Variants in VIPR1 observed in about 807,000 individuals in gnomAD.
VIPR1 encodes vasoactive intestinal polypeptide receptor 1.
A neutral mutation model predicts 58.8 loss-of-function variants in VIPR1; 59 were observed. The observed-to-expected ratio is 1.00, with a 90% CI of 0.81 to 1.25. The LOEUF (loss-of-function observed/expected upper bound fraction) is 1.25, where lower values mean the gene tolerates loss of function less well. Ranked by LOEUF, VIPR1 falls within the 50% of genes most tolerant of loss-of-function variation. The pLI is 0.00. For missense variants in VIPR1, 626 were observed against 602.7 expected (o/e 1.04, Z -0.40); for synonymous variants, 251 against 242.1 (o/e 1.04, Z -0.34).
chr3:42,535,485 T>C (rs1701795307), intron 12 of VIPR1, 101 bp downstream of exon 12: 7 of 1,314,932 alleles, frequency 5.3e-6, no homozygotes, highest in Non-Finnish European at 7.7e-6. Flanking sequence ...GGGTTAAACC[T>C]TGCTGCTCCA....
At chr3:42,495,214 C>T (rs1411595015) in intron 1 of VIPR1, among the ~76,000 whole-genome samples, 3 of 152,024 alleles carry the variant, frequency 2.0e-5, no homozygotes, top group South Asian at 2.1e-4. Context: ...CTCTGCCTCC[C>T]GGGTTCAAGC....
In VIPR1 at chr3:42,525,989, A is replaced by G. The variant is rs1267557556; in HGVS notation, c.395A>G (p.Asp132Gly). 6.2e-7 allele frequency: 1 copy of G among 1,610,990 alleles called. No individual in the cohort carries two copies. Among genetic ancestry groups the G allele is most frequent in the East Asian group, 2.2e-5 (1 of 44,778 alleles). The change falls in exon 4 of 13, where the codon GAT becomes GGT. Residue 132 changes from aspartate to glycine, a missense_variant. By Grantham distance (94) the Asp-to-Gly change is moderately conservative. Transcript: ENST00000325123. Reference sequence around the variant, plus strand: ...TTGGATGACAAGGCAGCGAGTTTGGATGAGGTGGGTCTCAGGGCACCCCCA... The same window carrying G: ...TTGGATGACAAGGCAGCGAGTTTGGGTGAGGTGGGTCTCAGGGCACCCCCA... ...CGLDDKAASL[D>G]EQQTMFYGSV...
chr3:42,523,084 A>ACC (rs145372341), intron 3 of VIPR1, among the ~76,000 whole-genome samples: 14,567 of 144,142 alleles, frequency 0.1, 1,056 homozygotes, highest in African/African-American at 0.19. Context: ...GCATGCCCTG[A>ACC]CCCCGCCCCC....
Position 42,527,892 on chromosome 3 carries a change from T to C in VIPR1, c.504-99T>C, listed in dbSNP as rs542794146. On this transcript the variant is annotated intron_variant, in intron 5 of 12. Coordinates refer to ENST00000325123, the MANE Select transcript of VIPR1 (RefSeq NM_004624.4). ...CGGGGCCTGCCCTCTGGAGGACACA[T>C]GCTCCCCTGCCCCACCCTTGCTCAG... 5.4e-5 allele frequency: 82 copies of C among 1,511,164 alleles called. No individual in the cohort carries two copies. The African/African-American group carries it at 9.8e-4, about 18-fold the overall frequency. 93.6% of individuals were successfully genotyped at this position (1,511,164 alleles called of 1,614,324 possible). A position where few individuals can be genotyped will look rare whatever the true frequency, so the allele number is the denominator to read the frequency against.
At position 42,535,561 on chromosome 3, in the gene VIPR1, G is replaced by A. The variant is rs115609872; in HGVS notation, c.1182+177G>A. On this transcript the variant is annotated intron_variant, in intron 12 of 12. Coordinates refer to ENST00000325123, the MANE Select transcript of VIPR1 (RefSeq NM_004624.4). ...CCTTGTTAAAAATGCGCATCTCTGG[G>A]ACCACCCCAGACCTGCTGGCTTAGA... is the stretch of plus-strand genomic sequence containing the variant. Among the ~76,000 whole-genome samples, 664 of 152,276 alleles carry A rather than the reference G, an allele frequency of 4.4e-3. 9 individuals carry two copies. The highest frequency in any genetic ancestry group is 6.1e-3 in the Non-Finnish European group (413 of 68,016).
chr3:42,524,958 T>G (rs1231904370), intron 3 of VIPR1, among the ~76,000 whole-genome samples: 1 of 152,194 alleles, frequency 6.6e-6, no homozygotes, highest in African/African-American at 2.4e-5. Flanking sequence ...TGACCAGCAC[T>G]GACATTTGAA....
chr3:42,518,742 T>TAAATAAATAATA (rs1553637812), intron 2 of VIPR1, among the ~76,000 whole-genome samples: 6 of 151,952 alleles, frequency 3.9e-5, no homozygotes, highest in African/African-American at 1.5e-4. Flanking sequence ...AAAAAATAAG[T>TAAATAAATAATA]AAGTAAATGG....
chr3:42,499,297 G>A (rs916825143), upstream of VIPR1, among the ~76,000 whole-genome samples: 1 of 152,222 alleles, frequency 6.6e-6, no homozygotes, highest in Non-Finnish European at 1.5e-5. Context: ...TGGAAGCCTT[G>A]AAGGCAGTGA....
chr3:42,502,898 C>T (rs1205896029), intron 1 of VIPR1, 85 bp downstream of exon 1: 16 of 1,029,016 alleles, frequency 1.6e-5, no homozygotes, highest in Non-Finnish European at 1.6e-5. Context: ...GGAGCCGGGC[C>T]GTCTGTGCGC....
intron 2 of VIPR1, 34 bp from the exon 3 acceptor site, chr3:42,519,189 G>T: frequency 6.4e-7 from 1 of 1,569,014 alleles, no homozygotes; most frequent in Non-Finnish European, 8.7e-7. Context: ...CCTGCACTGT[G>T]CTCACCCATG....
At chr3:42,531,694 G>T (rs1005986194) in intron 8 of VIPR1, 109 bp from the exon 9 acceptor site, 3 of 1,553,912 alleles carry the variant, frequency 1.9e-6, no homozygotes, top group Non-Finnish European at 2.7e-6. Flanking sequence ...TCTGGGCCCG[G>T]GGTTGCTAAA....
intron 1 of VIPR1, among the ~76,000 whole-genome samples, chr3:42,496,181 G>A (rs1183488363): frequency 1.3e-5 from 2 of 152,082 alleles, no homozygotes; most frequent in African/African-American, 4.8e-5. Context: ...AGGTTGCAGT[G>A]AGCCAAGATT....
chr3:42,530,993 C>T, intron 7 of VIPR1, 61 bp downstream of exon 7: 1 of 1,591,538 alleles, frequency 6.3e-7, no homozygotes, highest in Non-Finnish European at 8.6e-7. Context: ...GGAGAACTCC[C>T]TAGGGGGAGG....
chr3:42,536,221 C>A lies in VIPR1; in HGVS notation c.1314C>A (p.Thr438=), dbSNP rs544138039. The A allele has an allele frequency of 4.7e-5, 75 of 1,584,696 alleles. No individual in the cohort carries two copies. In the South Asian group the frequency reaches 7.8e-4, roughly 16 times the overall value. The change falls in exon 13 of 13, where the codon ACC becomes ACA. Residue 438 remains threonine, a synonymous_variant. Coordinates refer to ENST00000325123, the MANE Select transcript of VIPR1 (RefSeq NM_004624.4). Reference sequence around the variant, plus strand: ...GCAGCACGCAGGTTTCCATGCTGACCCGCGTCAGCCCAGGTGCCCGCCGCT... The same window carrying A: ...GCAGCACGCAGGTTTCCATGCTGACACGCGTCAGCCCAGGTGCCCGCCGCT... ...ATCSTQVSML[T]RVSPGARRSS...
At chr3:42,521,004 C>T (rs891015268) in intron 3 of VIPR1, among the ~76,000 whole-genome samples, 3 of 152,130 alleles carry the variant, frequency 2.0e-5, no homozygotes, top group Admixed American at 6.5e-5. Flanking sequence ...TCACAGTGCA[C>T]GCCATCACCA....
rs1701920546 is a variant in VIPR1 at position 42,537,562 on chromosome 3, G to T, written c.*1281G>T. The T allele has an allele frequency of 6.6e-6, 1 of 152,180 alleles. No individual in the cohort carries two copies. Among genetic ancestry groups the T allele is most frequent in the Middle Eastern group, 3.2e-3 (1 of 316 alleles). The allele number at this position is 152,180 out of a possible 1,614,324, so 9.4% of individuals were successfully genotyped here. A position where few individuals can be genotyped will look rare whatever the true frequency, so the allele number is the denominator to read the frequency against. On this transcript the variant is annotated 3_prime_UTR_variant, in exon 13 of 13. Transcript: ENST00000325123. ...CAGGCTTGTGCAACAATAAATGTTG[G>T]CTTGGATTGGCTTGGTTCCCCTGGT...
chr3:42,531,749 A>G, intron 8 of VIPR1, 54 bp from the exon 9 acceptor site: 2 of 1,610,198 alleles, frequency 1.2e-6, no homozygotes, highest in Non-Finnish European at 1.7e-6. Flanking sequence ...GGTGCTGCTG[A>G]GTCTCTCTCT....
chr3:42,502,370 G>A (rs1024456008), upstream of VIPR1: 1 of 189,706 alleles, frequency 5.3e-6, no homozygotes, highest in African/African-American at 2.3e-5. Context: ...ATGGAAGGAT[G>A]GAATGTGTTC....
chr3:42,511,135 G>T (rs923632949), intron 1 of VIPR1, among the ~76,000 whole-genome samples: 15 of 152,168 alleles, frequency 9.9e-5, no homozygotes, highest in Admixed American at 9.2e-4. Context: ...AGTAGAGCTG[G>T]TTTCAGGCAT....
Sources: gnomAD v4.1 joint callset for allele counts (sites outside exome capture counted in the v4.1 genomes callset) on GRCh38, gnomAD v4.1.1 for gene constraint, MANE v1.5 for transcripts, NCBI Gene and HGNC (gene_info 2026-07-23, HGNC 2026-07-21) for gene names.